Variants in KCNMA1 observed in about 807,000 individuals in gnomAD.
The protein encoded by KCNMA1 is Calcium-activated potassium channel subunit alpha-1.
A neutral mutation model predicts 140.0 loss-of-function variants in KCNMA1; 29 were observed. The observed-to-expected ratio is 0.21, with a 90% confidence interval of 0.15 to 0.28. The LOEUF is 0.28. Among genes scored for constraint, KCNMA1 ranks in the 10% least tolerant of loss-of-function variants. The pLI, the probability that KCNMA1 is intolerant of heterozygous loss-of-function variation, is 1.00. For synonymous variants in KCNMA1, 612 were observed against 611.9 expected (o/e 1.00, Z 0.00); for missense variants, 880 against 1,602.2 (o/e 0.55, Z 7.70).
chr10:77,005,844 A>C (rs191280693), intron 18 of KCNMA1, among the ~76,000 whole-genome samples: 5 of 152,324 alleles, frequency 3.3e-5, no homozygotes, highest in Admixed American at 2.6e-4. Context: ...CATCAAAACT[A>C]TTTGTTTACT....
chr10:77,307,519 C>T, intron 2 of KCNMA1, among the ~76,000 whole-genome samples: 1 of 152,126 alleles, frequency 6.6e-6, no homozygotes, highest in South Asian at 2.1e-4. Context: ...TGTAAGTGTT[C>T]TGAGCACATT....
intron 21 of KCNMA1, chr10:76,952,201 G>A (rs777371126): frequency 2.7e-4 from 424 of 1,546,256 alleles, no homozygotes; most frequent in Non-Finnish European, 3.4e-4. Flanking sequence ...AGGCCACCAG[G>A]GCAAAAGTGC....
At chr10:76,996,328 C>T (rs1489909342) in intron 19 of KCNMA1, among the ~76,000 whole-genome samples, 5 of 152,204 alleles carry the variant, frequency 3.3e-5, no homozygotes, top group African/African-American at 7.2e-5. Context: ...TATGGCTCAG[C>T]GTGGCTATCA....
intron 20 of KCNMA1, 109 bp downstream of exon 20, chr10:76,969,865 C>G: frequency 1.2e-6 from 1 of 828,314 alleles, no homozygotes; most frequent in Non-Finnish European, 2.1e-6. Flanking sequence ...TCCCCCACCC[C>G]GGGCTTGCTG....
chr10:77,558,561 C>T (rs1224017202), intron 1 of KCNMA1, among the ~76,000 whole-genome samples: 1 of 152,164 alleles, frequency 6.6e-6, no homozygotes, highest in Non-Finnish European at 1.5e-5. Context: ...TAGGTTCCCT[C>T]ATTAAAACTG....
At chr10:77,575,094 G>C (rs533588910) in intron 1 of KCNMA1, among the ~76,000 whole-genome samples, 1 of 152,266 alleles carries the variant, frequency 6.6e-6, no homozygotes, top group South Asian at 2.1e-4. Flanking sequence ...ATGGGCAGTG[G>C]CATAGCAAAG....
At chr10:77,462,861 T>C (rs67010620) in intron 1 of KCNMA1, among the ~76,000 whole-genome samples, 23,316 of 152,086 alleles carry the variant, frequency 0.15, 2,112 homozygotes, top group Non-Finnish European at 0.21. Flanking sequence ...TTCCAAGCCA[T>C]ACTCTCTCAC....
At chr10:77,531,841 C>T (rs757279069) in intron 1 of KCNMA1, among the ~76,000 whole-genome samples, 1 of 152,230 alleles carries the variant, frequency 6.6e-6, no homozygotes, top group Non-Finnish European at 1.5e-5. Flanking sequence ...GACTTGCCCA[C>T]GGGCACTCAG....
At chr10:77,276,763 C>T (rs1002442492) in intron 2 of KCNMA1, among the ~76,000 whole-genome samples, 2 of 152,048 alleles carry the variant, frequency 1.3e-5, no homozygotes, top group African/African-American at 4.8e-5. Flanking sequence ...TAGCCAAACA[C>T]ACTACATAAC....
intron 2 of KCNMA1, among the ~76,000 whole-genome samples, chr10:77,355,446 C>A (rs1013050898): frequency 3.9e-5 from 6 of 152,264 alleles, no homozygotes; most frequent in African/African-American, 1.2e-4. Flanking sequence ...GTGACCTAAG[C>A]CAGTCCAATC....
intron 2 of KCNMA1, among the ~76,000 whole-genome samples, chr10:77,306,697 A>G (rs1419798100): frequency 6.6e-6 from 1 of 152,200 alleles, no homozygotes; most frequent in East Asian, 1.9e-4. Context: ...GGGGGTGTTT[A>G]GGAGGGAATG....
intron 14 of KCNMA1, among the ~76,000 whole-genome samples, chr10:77,053,462 G>C (rs750948852): frequency 1.3e-5 from 2 of 152,186 alleles, no homozygotes; most frequent in African/African-American, 2.4e-5. Flanking sequence ...TGCCAGAGAC[G>C]CTGAAGGGGT....
chr10:77,134,936 T>G lies in KCNMA1; in HGVS notation c.809-13888A>C, dbSNP rs537428816. 6.2e-5 allele frequency among the ~76,000 whole-genome samples: 8 copies of G among 128,342 alleles called. No individual in the cohort carries two copies. The South Asian group carries it at 1.5e-3, about 23-fold the overall frequency. The allele number at this position is 128,342 out of a possible 152,430, so 84.2% of individuals were successfully genotyped here. Reference sequence around the variant, plus strand: ...TGGCGTGAACCCGGGAGGTGGAGATTGCAGTGAGCTGAGATCATGCCACCG... The same window carrying G: ...TGGCGTGAACCCGGGAGGTGGAGATGGCAGTGAGCTGAGATCATGCCACCG... On this transcript the variant is annotated intron_variant, in intron 5 of 27. Transcript: ENST00000286628.
chr10:76,912,618 A>G (rs762285055), intron 24 of KCNMA1: 1 of 152,260 alleles, frequency 6.6e-6, no homozygotes, highest in South Asian at 2.1e-4. Context: ...AGGAGAGTCA[A>G]TGATGCTAAT....
chr10:77,629,027 A>G (rs1216231830), intron 1 of KCNMA1, among the ~76,000 whole-genome samples: 1 of 152,228 alleles, frequency 6.6e-6, no homozygotes, highest in Non-Finnish European at 1.5e-5. Context: ...AATAGAAAAT[A>G]AAGGAGATGT....
chr10:76,878,927 G>A (rs2033360312), intron 29 of KCNMA1, among the ~76,000 whole-genome samples: 4 of 152,070 alleles, frequency 2.6e-5, no homozygotes, highest in African/African-American at 9.7e-5. Flanking sequence ...AGTGGCTTAG[G>A]GAAAGAAAAG....
intron 2 of KCNMA1, among the ~76,000 whole-genome samples, chr10:77,360,470 T>C (rs1271263133): frequency 1.3e-5 from 2 of 152,210 alleles, no homozygotes; most frequent in Non-Finnish European, 2.9e-5. Flanking sequence ...TTTCAGTCTC[T>C]GATTCCTTCA....
chr10:77,255,426 C>A (rs1048015920), intron 2 of KCNMA1, among the ~76,000 whole-genome samples: 4 of 151,486 alleles, frequency 2.6e-5, no homozygotes, highest in Non-Finnish European at 5.9e-5. Context: ...ACAGTGAAAC[C>A]CTGGCTCTAC....
chr10:77,472,478 C>T (rs1416981178), intron 1 of KCNMA1, among the ~76,000 whole-genome samples: 1 of 151,454 alleles, frequency 6.6e-6, no homozygotes, highest in Non-Finnish European at 1.5e-5. Flanking sequence ...AGCATACATA[C>T]TAAACACACA....
Sources: gnomAD v4.1 joint callset for allele counts (sites outside exome capture counted in the v4.1 genomes callset) on GRCh38, gnomAD v4.1.1 for gene constraint, MANE v1.5 for transcripts, NCBI Gene and HGNC (gene_info 2026-07-23, HGNC 2026-07-21) for gene names.